The following LAMA3 variants were observed in gnomAD, a reference collection of about 807,000 sequenced individuals.
LAMA3 encodes the protein laminin subunit alpha 3.
Under a neutral mutation model 402.0 loss-of-function variants are expected in LAMA3, and 281 were observed. That is an observed-to-expected ratio of 0.70 (90% CI 0.63 to 0.77). The LOEUF is 0.77. Among genes scored for constraint, LAMA3 ranks in the 30% least tolerant of loss-of-function variants. LAMA3 has a pLI of 0.00. For missense variants in LAMA3, 3,840 were observed against 4,215.5 expected (o/e 0.91, Z 2.47); for synonymous variants, 1,431 against 1,558.4 (o/e 0.92, Z 1.93).
intron 19 of LAMA3, among the ~76,000 whole-genome samples, chr18:23,821,683 A>G (rs1178765051): frequency 1.3e-5 from 2 of 152,218 alleles, no homozygotes; most frequent in African/African-American, 4.8e-5. Flanking sequence ...TTCTTTGCAT[A>G]AGGAATTGAG....
chr18:23,714,898 C>T (rs1212389527), intron 2 of LAMA3, among the ~76,000 whole-genome samples: 1 of 152,170 alleles, frequency 6.6e-6, no homozygotes, highest in Non-Finnish European at 1.5e-5. Flanking sequence ...CTCTAGGAAG[C>T]TCATATAAGT....
intron 10 of LAMA3, among the ~76,000 whole-genome samples, chr18:23,776,614 T>C (rs1417138930): frequency 6.6e-6 from 1 of 152,100 alleles, no homozygotes; most frequent in Non-Finnish European, 1.5e-5. Flanking sequence ...CCCTCCTGAC[T>C]CCTGCAGAGC....
chr18:23,944,398 A>T (rs1321413055), intron 69 of LAMA3, among the ~76,000 whole-genome samples: 1 of 152,202 alleles, frequency 6.6e-6, no homozygotes, highest in Non-Finnish European at 1.5e-5. Context: ...GCAATAAGGG[A>T]CCTATTTATT....
At chr18:23,883,390 G>T (rs1354333061) in intron 40 of LAMA3, among the ~76,000 whole-genome samples, 1 of 152,126 alleles carries the variant, frequency 6.6e-6, no homozygotes, top group Non-Finnish European at 1.5e-5. Context: ...GTTCACTGTG[G>T]GCCCAAGCAA....
At chr18:23,926,042 A>G (rs1308797138) in intron 62 of LAMA3, among the ~76,000 whole-genome samples, 1 of 152,224 alleles carries the variant, frequency 6.6e-6, no homozygotes, top group Non-Finnish European at 1.5e-5. Flanking sequence ...GTAGCTGCCT[A>G]TCTCTTAGGG....
chr18:23,932,323 G>C, intron 66 of LAMA3, 32 bp downstream of exon 66: 1 of 1,611,850 alleles, frequency 6.2e-7, no homozygotes, highest in Non-Finnish European at 8.5e-7. Context: ...GGTAACTGAT[G>C]AGAACGGCCT....
chr18:23,939,868 T>C (rs1182995541), intron 68 of LAMA3, among the ~76,000 whole-genome samples: 1 of 152,182 alleles, frequency 6.6e-6, no homozygotes, highest in Admixed American at 6.6e-5. Flanking sequence ...ATATTAATTA[T>C]GTCAGAAAAA....
At position 23,689,997 on chromosome 18, in the gene LAMA3, C is replaced by A; in HGVS notation, c.294+20C>A. The A allele has an allele frequency of 7.1e-7, 1 of 1,412,978 alleles. No homozygotes were observed. The highest frequency in any genetic ancestry group is 2.9e-5 in the East Asian group (1 of 34,080). 87.5% of individuals were successfully genotyped at this position (1,412,978 alleles called of 1,614,324 possible). ...ATCCAGGTGAGGGCCTCGGAGAGAG[C>A]CGGGGTGGGCGCGCCTTTTCCTTCC... On this transcript the variant is annotated intron_variant, in intron 1 of 74. Coordinates refer to ENST00000313654, the MANE Select transcript of LAMA3 (RefSeq NM_198129.4).
chr18:23,954,601 TTG>T lies in LAMA3; in HGVS notation c.9956_9957del (p.Leu3319Ter), dbSNP rs1216376602. The T allele has an allele frequency of 6.2e-7, 1 of 1,614,028 alleles. No homozygotes were observed. The highest frequency in any genetic ancestry group is 8.5e-7 in the Non-Finnish European group (1 of 1,179,990). On this transcript the variant is annotated frameshift_variant, in exon 75 of 75. Coordinates refer to ENST00000313654, the MANE Select transcript of LAMA3 (RefSeq NM_198129.4). LOFTEE classifies it high-confidence loss of function. ...NHIPVPVTEALEVQGPVSLNG... is the reference protein window; with the variant it reads ...NHIPVPVTEAXEVQGPVSLNG... ...CATCCCTGTCCCTGTCACTGAAGCC[TTG>T]GAAGTCCAGGGGCCTGTCAGTCTGA...
intron 1 of LAMA3, 149 bp from the exon 2 acceptor site, chr18:23,713,771 T>C (rs2061040118): frequency 1.5e-6 from 1 of 683,848 alleles, no homozygotes; most frequent in African/African-American, 1.8e-5. Flanking sequence ...CAGAATACAT[T>C]CCAGTGAATT....
intron 8 of LAMA3, among the ~76,000 whole-genome samples, chr18:23,768,346 TG>T (rs1162408941): frequency 6.6e-6 from 1 of 152,124 alleles, no homozygotes; most frequent in Non-Finnish European, 1.5e-5. Flanking sequence ...ACAGACACTT[TG>T]CAGAAGAAGA....
Position 23,751,000 on chromosome 18 carries a change from C to T in LAMA3, c.767C>T (p.Thr256Ile). The T allele has an allele frequency of 6.2e-7, 1 of 1,614,150 alleles. No homozygotes were observed. The highest frequency in any genetic ancestry group is 1.3e-5 in the African/African-American group (1 of 75,038). Residue 256 changes from threonine (T) to isoleucine (I), a missense_variant, in exon 5 of 75, where the codon ACA becomes ATA. Physicochemically the swap from Thr to Ile is moderately conservative, Grantham distance 89. This residue lies in a region of LAMA3 where 2,109 missense variants were observed against 2,376.0 expected (regional missense o/e 0.89). Coordinates refer to ENST00000313654, the MANE Select transcript of LAMA3 (RefSeq NM_198129.4). ...ACCCTGAGGGAGTTTACCAAGGCAA[C>T]AAACATCCGCTTGCGTTTTCTTAGA... ...SHTLREFTKA[T>I]NIRLRFLRTN...
At chr18:23,734,565 G>A (rs2061442980) in intron 2 of LAMA3, among the ~76,000 whole-genome samples, 2 of 152,180 alleles carry the variant, frequency 1.3e-5, no homozygotes, top group Non-Finnish European at 2.9e-5. Flanking sequence ...CAGTTCCTCA[G>A]TTGTAGGACA....
At chr18:23,790,286 G>A (rs2144072956) in intron 12 of LAMA3, among the ~76,000 whole-genome samples, 1 of 152,258 alleles carries the variant, frequency 6.6e-6, no homozygotes, top group South Asian at 2.1e-4. Flanking sequence ...GAGGGTATGG[G>A]CCAGCATTAC....
intron 39 of LAMA3, among the ~76,000 whole-genome samples, chr18:23,880,904 A>G (rs567492180): frequency 1.3e-5 from 2 of 152,284 alleles, no homozygotes; most frequent in African/African-American, 4.8e-5. Flanking sequence ...AAAGCAAAAC[A>G]CAAAACCCCT....
intron 36 of LAMA3, among the ~76,000 whole-genome samples, chr18:23,867,377 T>C (rs2064384630): frequency 6.6e-6 from 1 of 151,654 alleles, no homozygotes; most frequent in South Asian, 2.1e-4. Flanking sequence ...GCCAACATGG[T>C]GAAACTACTA....
At chr18:23,846,928 A>G (rs1307548515) in intron 31 of LAMA3, among the ~76,000 whole-genome samples, 1 of 152,134 alleles carries the variant, frequency 6.6e-6, no homozygotes, top group Non-Finnish European at 1.5e-5. Flanking sequence ...TGGCAGTGCT[A>G]CTCACTGAAT....
intron 39 of LAMA3, among the ~76,000 whole-genome samples, chr18:23,881,664 A>T (rs1298057956): frequency 6.6e-6 from 1 of 152,192 alleles, no homozygotes; most frequent in Non-Finnish European, 1.5e-5. Flanking sequence ...TGGCCTTGAG[A>T]TGCTGGAGTG....
intron 37 of LAMA3, among the ~76,000 whole-genome samples, chr18:23,870,280 G>T (rs2064479041): frequency 6.6e-6 from 1 of 152,036 alleles, no homozygotes. Flanking sequence ...TCCAGCCTGG[G>T]TGACAGAGCA....
Sources: allele counts gnomAD v4.1 joint callset (sites outside exome capture counted in the v4.1 genomes callset), GRCh38; gene constraint gnomAD v4.1.1; regional missense constraint gnomAD v4.1.1; transcripts MANE v1.5; gene names NCBI Gene and HGNC (gene_info 2026-07-23, HGNC 2026-07-21).